Variants in BMP1 observed in about 807,000 individuals in gnomAD.
BMP1 encodes mammalian tolloid protein.
Under a neutral mutation model 116.8 loss-of-function variants are expected in BMP1, and 63 were observed. The ratio of observed to expected loss-of-function variants is 0.54; its 90% confidence interval spans 0.44 to 0.67. BMP1 has a LOEUF of 0.67. Ranked by LOEUF, BMP1 falls within the 30% of genes least tolerant of loss-of-function variation. The probability of loss-of-function intolerance (pLI) is 0.00; values close to 1 mark genes in which losing one functional copy is unlikely to be tolerated. For missense variants in BMP1, 1,183 were observed against 1,358.9 expected (o/e 0.87, Z 2.04); for synonymous variants, 536 against 533.4 (o/e 1.00, Z -0.07).
At chr8:22,193,993 A>G in intron 9 of BMP1, 65 bp from the exon 10 acceptor site, 1 of 1,323,656 alleles carries the variant, frequency 7.6e-7, no homozygotes, top group Non-Finnish European at 1.1e-6. Flanking sequence ...CCTCCTGGAG[A>G]GGTGGGGCCT....
Position 22,209,693 on chromosome 8 carries a change from G to A in BMP1, c.2824G>A (p.Gly942Arg). 1 of 1,613,268 alleles carries A rather than the reference G, an allele frequency of 6.2e-7. No homozygotes were observed. Among genetic ancestry groups the A allele is most frequent in the Non-Finnish European group, 8.5e-7 (1 of 1,179,818 alleles). ...CAGGCTGGGGCGCTACTGTGGCTCA[G>A]GGGTGAGGCCCCCACCCCTCGCCCT... Reference protein sequence around the residue: ...APRLGRYCGSGPPEEVYSAGD... With the variant: ...APRLGRYCGSRPPEEVYSAGD... Residue 942 changes from glycine to arginine, a missense_variant and splice_region_variant, in exon 19 of 20, where the codon GGG becomes AGG. By Grantham distance (125) the Gly-to-Arg change is moderately radical. Coordinates refer to ENST00000306385, the MANE Select transcript of BMP1 (RefSeq NM_006129.5).
intron 8 of BMP1, among the ~76,000 whole-genome samples, chr8:22,184,679 G>T (rs1000476157): frequency 2.6e-5 from 4 of 152,140 alleles, no homozygotes; most frequent in African/African-American, 9.7e-5. Flanking sequence ...GCCGGACCTC[G>T]CTATTCCCCA....
At chr8:22,197,520 G>A in intron 15 of BMP1, 100 bp downstream of exon 15, 4 of 1,375,476 alleles carry the variant, frequency 2.9e-6, no homozygotes, top group Non-Finnish European at 4.0e-6. Context: ...GCCCTCCCTG[G>A]TGCCAGGCAG....
chr8:22,211,389 G>A (rs7838819), intron 19 of BMP1, among the ~76,000 whole-genome samples: 2 of 152,164 alleles, frequency 1.3e-5, no homozygotes, highest in African/African-American at 4.8e-5. Context: ...CTGGGTTTAC[G>A]GGAACTTAGT....
At chr8:22,196,541 A>G (rs910031824) in intron 13 of BMP1, 139 bp from the exon 14 acceptor site, 2 of 1,335,878 alleles carry the variant, frequency 1.5e-6, no homozygotes, top group Non-Finnish European at 1.0e-6. Context: ...TCCGCCCCAG[A>G]GGGACCAGAC....
chr8:22,180,278 C>A (rs2131855380), intron 7 of BMP1, 90 bp from the exon 8 acceptor site: 1 of 1,046,532 alleles, frequency 9.6e-7, no homozygotes, highest in Non-Finnish European at 1.5e-6. Flanking sequence ...TCCCCTCCCC[C>A]AGAGGATGCC....
intron 9 of BMP1, 136 bp downstream of exon 9, chr8:22,192,287 C>A: frequency 1.5e-6 from 1 of 682,562 alleles, no homozygotes; most frequent in Non-Finnish European, 2.5e-6. Context: ...GGAGTCCTGG[C>A]ATCATTAGTC....
At chr8:22,169,431 ATG>A in intron 1 of BMP1, 1 of 152,198 alleles carries the variant, frequency 6.6e-6, no homozygotes, top group Non-Finnish European at 1.5e-5. Flanking sequence ...GCCTGCAGTT[ATG>A]TGTGTGTTTG....
At chr8:22,196,980 C>T (rs1380508751) in intron 14 of BMP1, 140 bp downstream of exon 14, 17 of 1,273,960 alleles carry the variant, frequency 1.3e-5, no homozygotes, top group African/African-American at 9.0e-5. Context: ...TCCCAGCTCA[C>T]GAAGCACAGG....
intron 8 of BMP1, among the ~76,000 whole-genome samples, chr8:22,185,349 G>C (rs1459002607): frequency 3.3e-5 from 5 of 152,040 alleles, no homozygotes; most frequent in Non-Finnish European, 7.4e-5. Context: ...CTACTCAGGA[G>C]GCTGAGGCAG....
chr8:22,176,233 G>C lies in BMP1; in HGVS notation c.353G>C (p.Ser118Thr). 2 of 1,613,990 alleles carry C rather than the reference G, an allele frequency of 1.2e-6. No homozygotes were observed. Among genetic ancestry groups the C allele is most frequent in the South Asian group, 2.2e-5 (2 of 91,042 alleles). ...GGGAGATGGAGAGGTAGATCCCGTA[G>C]CCGGCGGGCGGCGACGTCCCGACCA... ...ACGRWRGRSR[S>T]RRAATSRPER... The change falls in exon 3 of 20, where the codon AGC becomes ACC. Residue 118 changes from serine to threonine, a missense_variant. Around this residue, in one of 4 missense-constraint regions of BMP1, gnomAD observed 185 missense variants for 158.9 expected, o/e 1.16. Transcript: ENST00000306385.
At chr8:22,171,167 G>C (rs572237702) in intron 1 of BMP1, 2 of 152,368 alleles carry the variant, frequency 1.3e-5, no homozygotes, top group South Asian at 4.1e-4. Flanking sequence ...AGTAAGAGTA[G>C]CTTTCTCATG....
intron 5 of BMP1, 31 bp downstream of exon 5, chr8:22,177,170 T>A (rs1299175194): frequency 6.4e-7 from 1 of 1,553,296 alleles, no homozygotes; most frequent in East Asian, 2.4e-5. Context: ...GCGGCCTTGG[T>A]GGGCGGCTCC....
Position 22,194,180 on chromosome 8 carries a change from G to C in BMP1, c.1297+6G>C, listed in dbSNP as rs771420137. ...CTTCTTTGCAGTCTACGAAGGTACTGAGGAAGGCGGCGGGCGGGAGGAGTC... is the reference window on the plus strand; with the variant it reads ...CTTCTTTGCAGTCTACGAAGGTACTCAGGAAGGCGGCGGGCGGGAGGAGTC... On this transcript the variant is annotated splice_donor_region_variant and intron_variant, in intron 10 of 19. Transcript: ENST00000306385. This position sits in a 1 kb window ranked among gnomAD's most constrained non-coding sequence, Gnocchi z 4.5. The C allele has an allele frequency of 5.0e-6, 8 of 1,613,038 alleles. No individual in the cohort carries two copies. The highest frequency in any genetic ancestry group is 1.7e-5 in the Admixed American group (1 of 60,004).
intron 8 of BMP1, among the ~76,000 whole-genome samples, chr8:22,189,280 G>A (rs1828863481): frequency 6.6e-6 from 1 of 151,878 alleles, no homozygotes; most frequent in African/African-American, 2.4e-5. Flanking sequence ...ACACGTATAT[G>A]GTCTTTTGCA....
intron 8 of BMP1, among the ~76,000 whole-genome samples, chr8:22,180,938 G>A (rs775770680): frequency 6.6e-6 from 1 of 152,102 alleles, no homozygotes; most frequent in Non-Finnish European, 1.5e-5. Flanking sequence ...TCAGCCTGAC[G>A]CTCAGCTCTC....
At position 22,179,039 on chromosome 8, in the gene BMP1, C is replaced by T. The variant is rs755579342; in HGVS notation, c.837-666C>T. Among the ~76,000 whole-genome samples the T allele has an allele frequency of 6.6e-6, 1 of 152,196 alleles. No homozygotes were observed. ...CCACCCCCTGCTGCGATCCACCCAG[C>T]TGGGTGTGAGTCAGGGGCCCTGGGG... On this transcript the variant is annotated intron_variant, in intron 6 of 19. Coordinates refer to ENST00000306385, the MANE Select transcript of BMP1 (RefSeq NM_006129.5). The surrounding 1 kb of genome is among the most constrained non-coding windows in gnomAD (Gnocchi z 4.6).
At position 22,201,144 on chromosome 8, in the gene BMP1, C is replaced by T. The variant is rs145042921; in HGVS notation, c.2108-659C>T. 44 of 1,613,026 alleles carry T rather than the reference C, an allele frequency of 2.7e-5. No homozygotes were observed. The highest frequency in any genetic ancestry group is 3.6e-5 in the Non-Finnish European group (42 of 1,179,450). On this transcript the variant is annotated intron_variant, in intron 15 of 19. Coordinates refer to ENST00000306385, the MANE Select transcript of BMP1 (RefSeq NM_006129.5). ...AAAGAGGCCAGCTCTGCAGCCCCCT[C>T]GGGGACGCCCCCACCAGCTCAAATT...
intron 8 of BMP1, among the ~76,000 whole-genome samples, chr8:22,181,977 A>C (rs966971360): frequency 2.0e-5 from 3 of 151,996 alleles, no homozygotes; most frequent in Admixed American, 6.5e-5. Flanking sequence ...AGCCCTCCTA[A>C]TGTGGGGAGG....
Sources: allele counts gnomAD v4.1 joint callset (sites outside exome capture counted in the v4.1 genomes callset), GRCh38; gene constraint gnomAD v4.1.1; regional missense constraint gnomAD v4.1.1; non-coding constraint Gnocchi (gnomAD v3.1); transcripts MANE v1.5; gene names NCBI Gene and HGNC (gene_info 2026-07-23, HGNC 2026-07-21).